TLR3: variants seen among roughly 807,000 people sequenced by gnomAD.
TLR3 encodes toll-like receptor 3.
TLR3 carries 43 observed loss-of-function variants against 66.4 expected under a neutral mutation model. The observed-to-expected ratio is 0.65, with a 90% CI of 0.51 to 0.83. TLR3 has a LOEUF of 0.83. Among genes scored for constraint, TLR3 ranks in the 40% least tolerant of loss-of-function variants. TLR3 has a pLI of 0.00. For synonymous variants in TLR3, 397 were observed against 397.2 expected (o/e 1.00, Z 0.01); for missense variants, 982 against 1,044.6 (o/e 0.94, Z 0.83).
intron 1 of TLR3, among the ~76,000 whole-genome samples, chr4:186,075,951 C>T (rs374409220): frequency 6.6e-5 from 10 of 152,108 alleles, no homozygotes; most frequent in Non-Finnish European, 1.0e-4. Flanking sequence ...GTCAAGAGAT[C>T]GAGACCATCC....
intron 2 of TLR3, 84 bp from the exon 3 acceptor site, chr4:186,078,756 A>C: frequency 9.0e-7 from 1 of 1,115,974 alleles, no homozygotes; most frequent in Non-Finnish European, 1.3e-6. Flanking sequence ...TTGCTGTTGA[A>C]GTATTTTTCA....
chr4:186,069,914 A>G (rs2099301154), intron 1 of TLR3, among the ~76,000 whole-genome samples: 1 of 152,216 alleles, frequency 6.6e-6, no homozygotes, highest in Admixed American at 6.5e-5. Context: ...ACGTGCTGGT[A>G]TGTGTCTTCA....
At position 186,084,036 on chromosome 4, in the gene TLR3, C is replaced by T. The variant is rs1037843937; in HGVS notation, c.2350C>T (p.Leu784Phe). The change falls in exon 4 of 5, where the codon CTC (leucine) becomes TTC (phenylalanine). Residue 784 changes from leucine to phenylalanine, a missense_variant. This residue lies in a region of TLR3 where 666 missense variants were observed against 709.0 expected (regional missense o/e 0.94). Coordinates refer to ENST00000296795, the MANE Select transcript of TLR3 (RefSeq NM_003265.3). ...FSSMEKEDQS[L>F]KFCLEERDFE... ...TTCAATGGAAAAGGAAGACCAATCT[C>T]TCAAATTTTGTCTGGAAGAAAGGGA... 1 of 1,614,134 alleles carries T rather than the reference C, an allele frequency of 6.2e-7. No individual in the cohort carries two copies. The highest frequency in any genetic ancestry group is 1.1e-5 in the South Asian group (1 of 91,070).
rs1236298587 is a variant in TLR3 at position 186,085,304 on chromosome 4, C to T, written c.*431C>T. On this transcript the variant is annotated 3_prime_UTR_variant, in exon 5 of 5. Coordinates refer to ENST00000296795, the MANE Select transcript of TLR3 (RefSeq NM_003265.3). Reference sequence around the variant, plus strand: ...TTTGTAAAAGAGTAAAATATATACCCATATTTTTAACAAGTTTAATTACAG... The same window carrying T: ...TTTGTAAAAGAGTAAAATATATACCTATATTTTTAACAAGTTTAATTACAG... 1 of 158,760 alleles carries T rather than the reference C, an allele frequency of 6.3e-6. No individual in the cohort carries two copies. Among genetic ancestry groups the T allele is most frequent in the Non-Finnish European group, 1.4e-5 (1 of 72,360 alleles). 9.8% of individuals were successfully genotyped at this position (158,760 alleles called of 1,614,324 possible).
intron 3 of TLR3, among the ~76,000 whole-genome samples, chr4:186,080,218 G>A (rs988718464): frequency 2.0e-5 from 3 of 151,364 alleles, no homozygotes; most frequent in East Asian, 1.9e-4. Context: ...AATAAATGGC[G>A]TACAAATTTA....
chr4:186,082,593 T>C lies in TLR3; in HGVS notation c.907T>C (p.Phe303Leu). 6.2e-7 allele frequency: 1 copy of C among 1,614,182 alleles called. No individual in the cohort carries two copies. Among genetic ancestry groups the C allele is most frequent in the Non-Finnish European group, 8.5e-7 (1 of 1,180,024 alleles). ...TGCTTGGCTTCCACAACTAGAATAT[T>C]TCTTCCTAGAGTATAATAATATACA... Reference protein sequence around the residue: ...SFAWLPQLEYFFLEYNNIQHL... With the variant: ...SFAWLPQLEYLFLEYNNIQHL... The change falls in exon 4 of 5, where the codon TTC becomes CTC. Residue 303 changes from phenylalanine (F) to leucine (L), a missense_variant. Coordinates refer to ENST00000296795, the MANE Select transcript of TLR3 (RefSeq NM_003265.3).
In TLR3 at chr4:186,084,748, C is replaced by G. The variant is rs2099304094; in HGVS notation, c.2590C>G (p.Leu864Val). 6.2e-7 allele frequency: 1 copy of G among 1,614,030 alleles called. No individual in the cohort carries two copies. Among genetic ancestry groups the G allele is most frequent in the Non-Finnish European group, 8.5e-7 (1 of 1,179,956 alleles). The change falls in exon 5 of 5, where the codon CTC (leucine) becomes GTC (valine). Residue 864 changes from leucine to valine, a missense_variant. By Grantham distance (32) the Leu-to-Val change is conservative (BLOSUM62 1). Coordinates refer to ENST00000296795, the MANE Select transcript of TLR3 (RefSeq NM_003265.3). ...EIPDYKLNHA[L>V]CLRRGMFKSH... ...TCCAGATTATAAACTGAACCATGCA[C>G]TCTGTTTGCGAAGAGGAATGTTTAA...
Position 186,082,296 on chromosome 4 carries a change from CCT to C in TLR3, c.634-21_634-20del, listed in dbSNP as rs2099303675. On this transcript the variant is annotated intron_variant, in intron 3 of 4. Coordinates refer to ENST00000296795, the MANE Select transcript of TLR3 (RefSeq NM_003265.3). ...GAGTCTGTGTTCTTTTGATTGTTAA[CCT>C]CTTTTTTTTTCCTACCTTTAGTTTT... 2.7e-6 allele frequency: 4 copies of C among 1,474,074 alleles called. No homozygotes were observed. In the South Asian group the frequency reaches 3.4e-5, roughly 12 times the overall value. 91.3% of individuals were successfully genotyped at this position (1,474,074 alleles called of 1,614,324 possible).
chr4:186,079,212 T>C (rs1387483938), intron 3 of TLR3, among the ~76,000 whole-genome samples, 181 bp downstream of exon 3: 1 of 151,826 alleles, frequency 6.6e-6, no homozygotes, highest in Non-Finnish European at 1.5e-5. Context: ...CCAGGAGAGG[T>C]CGGGAGACGG....
chr4:186,073,950 A>C (rs1320913199), intron 1 of TLR3, among the ~76,000 whole-genome samples: 5 of 152,234 alleles, frequency 3.3e-5, no homozygotes, highest in Non-Finnish European at 5.9e-5. Flanking sequence ...AACAATAAGC[A>C]CATGAAAATT....
At chr4:186,080,076 G>A (rs35782497) in intron 3 of TLR3, among the ~76,000 whole-genome samples, 53,417 of 151,944 alleles carry the variant, frequency 0.35, 9,519 homozygotes, top group Admixed American at 0.4. Flanking sequence ...CCCGCCAACT[G>A]ACTACTTTTC....
In TLR3 at chr4:186,087,546, C is replaced by T. The variant is rs1351486445; in HGVS notation, c.*2673C>T. On this transcript the variant is annotated 3_prime_UTR_variant, in exon 5 of 5. Coordinates refer to ENST00000296795, the MANE Select transcript of TLR3 (RefSeq NM_003265.3). ...TCCACTCCAACTTCTTCCTGTTTTTCACATTGCAAAACAAAACCCAACTGA... is the reference window on the plus strand; with the variant it reads ...TCCACTCCAACTTCTTCCTGTTTTTTACATTGCAAAACAAAACCCAACTGA... 2.6e-5 allele frequency: 4 copies of T among 152,178 alleles called. No individual in the cohort carries two copies. The East Asian group carries it at 7.7e-4, about 29-fold the overall frequency. 9.4% of individuals were successfully genotyped at this position (152,178 alleles called of 1,614,324 possible).
intron 2 of TLR3, 144 bp downstream of exon 2, chr4:186,077,204 G>A: frequency 1.2e-6 from 1 of 861,524 alleles, no homozygotes; most frequent in Non-Finnish European, 1.8e-6. Context: ...AATAGAAAAT[G>A]CTTCCAAAAG....
intron 1 of TLR3, among the ~76,000 whole-genome samples, chr4:186,076,284 A>G (rs138044652): frequency 6.6e-6 from 1 of 152,362 alleles, no homozygotes; most frequent in African/African-American, 2.4e-5. Flanking sequence ...ATGAAGAAAT[A>G]GAAGATCAAG....
rs373118024 is a variant in TLR3, at chr4:186,084,070, C to T, written c.2384C>T (p.Ala795Val). 4.7e-5 allele frequency: 76 copies of T among 1,613,920 alleles called. No individual in the cohort carries two copies. The highest frequency in any genetic ancestry group is 4.0e-4 in the East Asian group (18 of 44,876). Residue 795 changes from alanine (A) to valine (V), a missense_variant, in exon 4 of 5, where the codon GCG becomes GTG. Transcript: ENST00000296795. The part of the protein sequence containing the change: ...KFCLEERDFE[A>V]GVFELEAIVN... ...TGTCTGGAAGAAAGGGACTTTGAGG[C>T]GGGTGTTTTTGAACTAGAAGCAATT...
Position 186,069,210 on chromosome 4 carries a change from T to C in TLR3, c.-46T>C, listed in dbSNP as rs1561368077. 1 of 152,164 alleles carries C rather than the reference T, an allele frequency of 6.6e-6. No individual in the cohort carries two copies. Among genetic ancestry groups the C allele is most frequent in the Non-Finnish European group, 1.5e-5 (1 of 68,026 alleles). 9.4% of individuals were successfully genotyped at this position (152,164 alleles called of 1,614,324 possible). A position where few individuals can be genotyped will look rare whatever the true frequency, so the allele number is the denominator to read the frequency against. Reference sequence around the variant, plus strand: ...CACTTCCCTGATGAAATGTCTGGATTTGGACTAAAGAAAAAAGGAAAGGCT... The same window carrying C: ...CACTTCCCTGATGAAATGTCTGGATCTGGACTAAAGAAAAAAGGAAAGGCT... On this transcript the variant is annotated 5_prime_UTR_variant, in exon 1 of 5. Coordinates refer to ENST00000296795, the MANE Select transcript of TLR3 (RefSeq NM_003265.3).
At chr4:186,069,726 A>G (rs1284954229) in intron 1 of TLR3, among the ~76,000 whole-genome samples, 1 of 152,202 alleles carries the variant, frequency 6.6e-6, no homozygotes, top group Non-Finnish European at 1.5e-5. Context: ...ACATTCAGGT[A>G]TGCCTAGGAG....
rs2099304096 is a variant in TLR3 at position 186,084,760 on chromosome 4, A to G, written c.2602A>G (p.Arg868Gly). 2 of 1,614,058 alleles carry G rather than the reference A, an allele frequency of 1.2e-6. No homozygotes were observed. Among genetic ancestry groups the G allele is most frequent in the African/African-American group, 1.3e-5 (1 of 75,042 alleles). ...YKLNHALCLR[R>G]GMFKSHCILN... Reference sequence around the variant, plus strand: ...ACTGAACCATGCACTCTGTTTGCGAAGAGGAATGTTTAAATCTCACTGCAT... The same window carrying G: ...ACTGAACCATGCACTCTGTTTGCGAGGAGGAATGTTTAAATCTCACTGCAT... Residue 868 changes from arginine (R) to glycine (G), a missense_variant, in exon 5 of 5, where the codon AGA (arginine) becomes GGA (glycine). Arg to Gly is a moderately radical substitution (Grantham distance 125, BLOSUM62 -2). Around this residue, in one of 3 missense-constraint regions of TLR3, gnomAD observed 666 missense variants for 709.0 expected, o/e 0.94. Transcript: ENST00000296795.
intron 1 of TLR3, among the ~76,000 whole-genome samples, chr4:186,075,757 A>G (rs1253890991): frequency 6.6e-6 from 1 of 152,232 alleles, no homozygotes; most frequent in African/African-American, 2.4e-5. Context: ...AAATGCTAAC[A>G]TTTCACATCT....
Sources: allele counts gnomAD v4.1 joint callset (sites outside exome capture counted in the v4.1 genomes callset), GRCh38; gene constraint gnomAD v4.1.1; regional missense constraint gnomAD v4.1.1; transcripts MANE v1.5; gene names NCBI Gene and HGNC (gene_info 2026-07-23, HGNC 2026-07-21).